The following ARPC1A variants were observed in gnomAD, a reference collection of about 807,000 sequenced individuals.
The protein encoded by ARPC1A is actin related protein 2/3 complex subunit 1A, also known as actin-related protein 2/3 complex subunit 1A.
Under a neutral mutation model 46.9 loss-of-function variants are expected in ARPC1A, and 8 were observed. The ratio of observed to expected loss-of-function variants is 0.17; its 90% CI spans 0.10 to 0.31. The LOEUF (loss-of-function observed/expected upper bound fraction) is 0.31. Among genes scored for constraint, ARPC1A ranks in the 10% least tolerant of loss-of-function variants. The pLI is 1.00. For synonymous variants in ARPC1A, 152 were observed against 169.0 expected (o/e 0.90, Z 0.78); for missense variants, 286 against 483.6 (o/e 0.59, Z 3.83).
chr7:99,356,197 G>C (rs2150871943), intron 6 of ARPC1A, among the ~76,000 whole-genome samples: 1 of 152,280 alleles, frequency 6.6e-6, no homozygotes, highest in East Asian at 1.9e-4. Flanking sequence ...TTTACTCCCT[G>C]TCAGGTCAGT....
At chr7:99,343,167 T>C (rs762142942) in intron 3 of ARPC1A, among the ~76,000 whole-genome samples, 22 of 152,092 alleles carry the variant, frequency 1.4e-4, no homozygotes, top group Admixed American at 9.2e-4. Context: ...ATTATATTTA[T>C]AGAAAATACC....
At chr7:99,337,388 T>C (rs947394910) in intron 2 of ARPC1A, among the ~76,000 whole-genome samples, 1 of 152,116 alleles carries the variant, frequency 6.6e-6, no homozygotes, top group African/African-American at 2.4e-5. Flanking sequence ...GCCATTGCAC[T>C]CCAGCCTGGG....
intron 1 of ARPC1A, among the ~76,000 whole-genome samples, chr7:99,330,101 C>T (rs1793120988): frequency 1.3e-5 from 2 of 151,834 alleles, no homozygotes; most frequent in South Asian, 2.1e-4. Context: ...CATTTGAATG[C>T]ATTTAAAATT....
At chr7:99,356,342 C>T (rs915263214) in intron 6 of ARPC1A, among the ~76,000 whole-genome samples, 2 of 152,196 alleles carry the variant, frequency 1.3e-5, no homozygotes, top group African/African-American at 4.8e-5. Flanking sequence ...CAGTGGCTCA[C>T]GCCTGTAATC....
At chr7:99,340,025 C>G (rs1305125855) in intron 3 of ARPC1A, 2 of 455,738 alleles carry the variant, frequency 4.4e-6, no homozygotes, top group African/African-American at 2.0e-5. Context: ...TTGTATTTTC[C>G]TGATTCATGG....
intron 5 of ARPC1A, among the ~76,000 whole-genome samples, chr7:99,350,884 G>A (rs896202799): frequency 1.3e-5 from 2 of 151,502 alleles, no homozygotes; most frequent in Non-Finnish European, 2.9e-5. Context: ...TGGGCTCAAA[G>A]AATCCTTCTG....
chr7:99,347,873 A>G (rs1347982443), intron 4 of ARPC1A, among the ~76,000 whole-genome samples: 1 of 152,016 alleles, frequency 6.6e-6, no homozygotes, highest in Non-Finnish European at 1.5e-5. Context: ...TAGAAAGGTA[A>G]TTTAGCATTG....
At chr7:99,353,458 T>A (rs1317072578) in intron 5 of ARPC1A, among the ~76,000 whole-genome samples, 1 of 76,782 alleles carries the variant, frequency 1.3e-5, no homozygotes, top group Non-Finnish European at 2.1e-5. Context: ...GCACCCAGCC[T>A]TATTTATTTA....
chr7:99,354,558 TGCAG>T (rs1793600863), intron 6 of ARPC1A, among the ~76,000 whole-genome samples: 1 of 144,870 alleles, frequency 6.9e-6, no homozygotes, highest in Non-Finnish European at 1.5e-5. Flanking sequence ...CAATGAAAAC[TGCAG>T]GCAGGCAGGC....
intron 1 of ARPC1A, among the ~76,000 whole-genome samples, chr7:99,329,577 T>C (rs1793109806): frequency 6.6e-6 from 1 of 152,230 alleles, no homozygotes; most frequent in Admixed American, 6.5e-5. Flanking sequence ...ACATGAGTGT[T>C]GTCTTGGCCT....
chr7:99,341,350 G>A (rs1240869506), intron 3 of ARPC1A, among the ~76,000 whole-genome samples: 1 of 152,054 alleles, frequency 6.6e-6, no homozygotes. Context: ...GCTCAAGCCT[G>A]TAATCCCAGC....
intron 8 of ARPC1A, among the ~76,000 whole-genome samples, chr7:99,361,335 T>G (rs779714340): frequency 3.9e-5 from 6 of 151,938 alleles, no homozygotes; most frequent in Non-Finnish European, 5.9e-5. Context: ...AGACCCCATC[T>G]CTACAAAAAA....
intron 5 of ARPC1A, among the ~76,000 whole-genome samples, chr7:99,349,523 G>A (rs1396397816): frequency 6.6e-6 from 1 of 151,206 alleles, no homozygotes; most frequent in Non-Finnish European, 1.5e-5. Flanking sequence ...TGGCCAACAT[G>A]GTGAAACCCC....
At chr7:99,341,945 C>T (rs947864081) in intron 3 of ARPC1A, among the ~76,000 whole-genome samples, 2 of 152,110 alleles carry the variant, frequency 1.3e-5, no homozygotes, top group Admixed American at 6.5e-5. Context: ...GAAGAAAAAA[C>T]TAGTCCATAC....
intron 3 of ARPC1A, 57 bp downstream of exon 3, chr7:99,338,342 T>C (rs1793292150): frequency 7.3e-7 from 1 of 1,364,840 alleles, no homozygotes; most frequent in Admixed American, 2.2e-5. Flanking sequence ...CACTCTTCCT[T>C]TTAGATAAAG....
intron 6 of ARPC1A, 108 bp from the exon 7 acceptor site, chr7:99,358,232 T>C (rs965350202): frequency 1.3e-5 from 14 of 1,073,252 alleles, no homozygotes; most frequent in Admixed American, 6.1e-5. Context: ...TAAGTGCCCA[T>C]TGATACTGCA....
chr7:99,353,928 A>G lies in ARPC1A; in HGVS notation c.520A>G (p.Lys174Glu), dbSNP rs1451118438. 2 of 1,613,740 alleles carry G rather than the reference A, an allele frequency of 1.2e-6. No individual in the cohort carries two copies. The highest frequency in any genetic ancestry group is 2.2e-5 in the East Asian group (1 of 44,878). Reference sequence around the variant, plus strand: ...AAACAGAGTGTTTTCTGCCTACATTAAAGAAGTGGATGAAAAGCCAGCCAG... The same window carrying G: ...AAACAGAGTGTTTTCTGCCTACATTGAAGAAGTGGATGAAAAGCCAGCCAG... ...FKCRVFSAYI[K>E]EVDEKPASTP... Residue 174 changes from lysine (K) to glutamate (E), a missense_variant, in exon 6 of 10, where the codon AAA becomes GAA. By Grantham distance (56) the Lys-to-Glu change is moderately conservative. Around this residue, in one of 5 missense-constraint regions of ARPC1A, gnomAD observed 182 missense variants for 276.7 expected, o/e 0.66. Transcript: ENST00000262942.
chr7:99,359,464 G>C, intron 7 of ARPC1A, 81 bp from the exon 8 acceptor site: 1 of 1,374,484 alleles, frequency 7.3e-7, no homozygotes, highest in Non-Finnish European at 1.0e-6. Context: ...GAGTAAGAGA[G>C]GCCTGTCGTG....
intron 6 of ARPC1A, among the ~76,000 whole-genome samples, chr7:99,358,040 G>A (rs768923351): frequency 1.4e-4 from 22 of 152,192 alleles, no homozygotes; most frequent in Non-Finnish European, 3.2e-4. Context: ...AGTGGACCGT[G>A]GGATCATGGG....
Sources: allele counts gnomAD v4.1 joint callset (sites outside exome capture counted in the v4.1 genomes callset), GRCh38; gene constraint gnomAD v4.1.1; regional missense constraint gnomAD v4.1.1; transcripts MANE v1.5; gene names NCBI Gene and HGNC (gene_info 2026-07-23, HGNC 2026-07-21).